The following TNNI3K variants were observed in gnomAD, a reference collection of about 807,000 sequenced individuals.
TNNI3K encodes the protein TNNI3 interacting kinase.
Under a neutral mutation model 114.5 loss-of-function variants are expected in TNNI3K, and 140 were observed. That is an observed-to-expected ratio of 1.22 (90% confidence interval 1.07 to 1.41). TNNI3K has a LOEUF of 1.41. Ranked by LOEUF, TNNI3K falls within the 40% of genes most tolerant of loss-of-function variation. The pLI, the probability that TNNI3K is intolerant of heterozygous loss-of-function variation, is 0.00. For missense variants in TNNI3K, 1,125 were observed against 1,007.6 expected (o/e 1.12, Z -1.58); for synonymous variants, 347 against 347.5 (o/e 1.00, Z 0.02).
At chr1:74,321,615 A>T (rs1461270349) in intron 5 of TNNI3K, among the ~76,000 whole-genome samples, 1 of 151,972 alleles carries the variant, frequency 6.6e-6, no homozygotes, top group Non-Finnish European at 1.5e-5. Context: ...ATTATTTTAT[A>T]TACATAAGTT....
chr1:74,465,087 C>G (rs1387243517), intron 21 of TNNI3K, among the ~76,000 whole-genome samples: 3 of 152,212 alleles, frequency 2.0e-5, no homozygotes, highest in Non-Finnish European at 2.9e-5. Context: ...ATTTCCTTCT[C>G]TCTGTGGGAT....
intron 11 of TNNI3K, among the ~76,000 whole-genome samples, chr1:74,356,804 T>C (rs1403788992): frequency 6.6e-6 from 1 of 152,230 alleles, no homozygotes; most frequent in Non-Finnish European, 1.5e-5. Context: ...TTAGAGGACT[T>C]GCCCACTGGC....
At chr1:74,499,665 A>G (rs965798517) in intron 23 of TNNI3K, among the ~76,000 whole-genome samples, 1 of 152,008 alleles carries the variant, frequency 6.6e-6, no homozygotes, top group Non-Finnish European at 1.5e-5. Context: ...CAATTTTTAT[A>G]CTCAGCTTGT....
chr1:74,343,674 G>C (rs1259064511), intron 9 of TNNI3K, among the ~76,000 whole-genome samples: 1 of 152,086 alleles, frequency 6.6e-6, no homozygotes, highest in East Asian at 1.9e-4. Context: ...AGTCAGGGTG[G>C]CCACTCAGAT....
chr1:74,282,535 C>A (rs56210249), intron 5 of TNNI3K, among the ~76,000 whole-genome samples: 9,314 of 151,912 alleles, frequency 0.061, 938 homozygotes, highest in African/African-American at 0.21. Context: ...ACCCTAATGA[C>A]CTTATTTTAA....
At chr1:74,254,105 T>C (rs1416789630) in intron 4 of TNNI3K, among the ~76,000 whole-genome samples, 1 of 152,240 alleles carries the variant, frequency 6.6e-6, no homozygotes, top group Non-Finnish European at 1.5e-5. Context: ...GCAAGAATAG[T>C]ACAAGAAACT....
intron 17 of TNNI3K, among the ~76,000 whole-genome samples, chr1:74,397,707 TG>T (rs1185484919): frequency 6.6e-6 from 1 of 152,180 alleles, no homozygotes; most frequent in Non-Finnish European, 1.5e-5. Context: ...CACTACATGA[TG>T]GGATGAGTCT....
intron 17 of TNNI3K, among the ~76,000 whole-genome samples, chr1:74,427,138 T>C (rs950469881): frequency 6.6e-6 from 1 of 152,086 alleles, no homozygotes; most frequent in African/African-American, 2.4e-5. Flanking sequence ...TCTGGAAGAC[T>C]TGTGTTTGCT....
intron 5 of TNNI3K, among the ~76,000 whole-genome samples, chr1:74,286,683 G>T (rs956084268): frequency 6.6e-6 from 1 of 151,282 alleles, no homozygotes; most frequent in African/African-American, 2.5e-5. Context: ...GAGGACTCCC[G>T]TGGCAAGCCC....
At chr1:74,267,809 C>T (rs1012596889) in intron 4 of TNNI3K, among the ~76,000 whole-genome samples, 4 of 151,806 alleles carry the variant, frequency 2.6e-5, no homozygotes, top group African/African-American at 7.3e-5. Context: ...TTGACCTTAC[C>T]ATTTGCCCAT....
intron 23 of TNNI3K, among the ~76,000 whole-genome samples, chr1:74,520,856 G>C (rs1646422743): frequency 6.6e-6 from 1 of 152,112 alleles, no homozygotes; most frequent in African/African-American, 2.4e-5. Context: ...AGATCTGGAA[G>C]GTACATATGG....
rs1352021614 is a variant in TNNI3K at position 74,531,995 on chromosome 1, A to C, written c.2352-8239A>C. 3.3e-5 allele frequency among the ~76,000 whole-genome samples: 5 copies of C among 152,206 alleles called. No individual in the cohort carries two copies. The East Asian group carries it at 9.6e-4, about 29-fold the overall frequency. On this transcript the variant is annotated intron_variant, in intron 23 of 24. Coordinates refer to ENST00000326637, the MANE Select transcript of TNNI3K (RefSeq NM_015978.3). ...CTGAGGGCATTGTTAGCTGCATAAA[A>C]ACTAATTGGACCAATTTGAATGGAA... is the stretch of plus-strand genomic sequence containing the variant.
chr1:74,352,819 G>A (rs1042987835), intron 9 of TNNI3K, among the ~76,000 whole-genome samples: 17 of 152,220 alleles, frequency 1.1e-4, no homozygotes, highest in South Asian at 2.1e-4. Flanking sequence ...TGTTGGAAAA[G>A]CGCAGTATTA....
chr1:74,377,742 T>C (rs1662980582), intron 17 of TNNI3K, among the ~76,000 whole-genome samples: 1 of 151,752 alleles, frequency 6.6e-6, no homozygotes, highest in Non-Finnish European at 1.5e-5. Context: ...TCTACACTCC[T>C]GGGAACTTTC....
intron 5 of TNNI3K, among the ~76,000 whole-genome samples, chr1:74,298,186 C>T (rs923212277): frequency 9.2e-5 from 14 of 152,082 alleles, no homozygotes; most frequent in African/African-American, 2.9e-4. Flanking sequence ...CTCTCATATA[C>T]TCAGCATACA....
At chr1:74,298,216 T>A (rs934001291) in intron 5 of TNNI3K, among the ~76,000 whole-genome samples, 5 of 152,152 alleles carry the variant, frequency 3.3e-5, no homozygotes, top group Admixed American at 2.0e-4. Context: ...TAGGCATAGA[T>A]ATACTTATTC....
chr1:74,310,538 A>C (rs1658926928), intron 5 of TNNI3K, among the ~76,000 whole-genome samples: 1 of 152,166 alleles, frequency 6.6e-6, no homozygotes, highest in Non-Finnish European at 1.5e-5. Flanking sequence ...GAACAAAGCC[A>C]GAGGCATCAC....
intron 23 of TNNI3K, among the ~76,000 whole-genome samples, chr1:74,493,602 A>G (rs879241142): frequency 6.6e-6 from 1 of 152,224 alleles, no homozygotes; most frequent in South Asian, 2.1e-4. Flanking sequence ...TCAGGGATAT[A>G]CAATCATAAT....
At chr1:74,368,952 A>G (rs1662435442) in intron 13 of TNNI3K, 70 bp from the exon 14 acceptor site, 2 of 1,210,884 alleles carry the variant, frequency 1.7e-6, no homozygotes, top group South Asian at 3.2e-5. Context: ...AAATATATAT[A>G]TGCACATGTA....
Sources: allele counts gnomAD v4.1 joint callset (sites outside exome capture counted in the v4.1 genomes callset), GRCh38; gene constraint gnomAD v4.1.1; transcripts MANE v1.5; gene names NCBI Gene and HGNC (gene_info 2026-07-23, HGNC 2026-07-21).